The following DDX60L variants were observed in gnomAD, a reference collection of about 807,000 sequenced individuals.
DDX60L encodes probable ATP-dependent RNA helicase DDX60-like.
DDX60L carries 191 observed loss-of-function variants against 211.6 expected under a neutral mutation model. The ratio of observed to expected loss-of-function variants is 0.90; its 90% CI spans 0.80 to 1.02. The LOEUF (loss-of-function observed/expected upper bound fraction) is 1.02. Among genes scored for constraint, DDX60L ranks in the 50% least tolerant of loss-of-function variants. The pLI is 0.00. For synonymous variants in DDX60L, 706 were observed against 694.1 expected (o/e 1.02, Z -0.27); for missense variants, 2,007 against 1,984.1 (o/e 1.01, Z -0.22).
chr4:168,470,509 G>A (rs560042553), intron 4 of DDX60L: 2 of 152,254 alleles, frequency 1.3e-5, no homozygotes, highest in South Asian at 4.1e-4. Flanking sequence ...CAACAAAATG[G>A]ATGCCTCTCA....
chr4:168,475,626 T>C (rs975737645), intron 1 of DDX60L, among the ~76,000 whole-genome samples: 23 of 149,364 alleles, frequency 1.5e-4, no homozygotes, highest in Non-Finnish European at 2.2e-4. Context: ...AGGAAAAGAG[T>C]AGGAATGCTA....
At chr4:168,442,552 G>A (rs1754063553) in intron 9 of DDX60L, among the ~76,000 whole-genome samples, 1 of 152,224 alleles carries the variant, frequency 6.6e-6, no homozygotes, top group African/African-American at 2.4e-5. Context: ...GCCTGCCTCT[G>A]TAGGCTCCAC....
intron 1 of DDX60L, among the ~76,000 whole-genome samples, chr4:168,476,486 C>G (rs1455878638): frequency 6.6e-6 from 1 of 152,038 alleles, no homozygotes; most frequent in Admixed American, 6.6e-5. Flanking sequence ...TTAAAAAGAA[C>G]TGATTATGCC....
chr4:168,382,344 G>C (rs961791265), intron 30 of DDX60L, among the ~76,000 whole-genome samples: 1 of 152,092 alleles, frequency 6.6e-6, no homozygotes, highest in South Asian at 2.1e-4. Flanking sequence ...TAATAAAGCA[G>C]TTTCCTTTGA....
At chr4:168,407,500 C>A (rs578046320) in intron 22 of DDX60L, among the ~76,000 whole-genome samples, 13 of 152,154 alleles carry the variant, frequency 8.5e-5, no homozygotes. Flanking sequence ...AACCGTAACA[C>A]CAAGAAAAAA....
At chr4:168,426,377 G>T (rs2149908393) in intron 14 of DDX60L, among the ~76,000 whole-genome samples, 1 of 152,318 alleles carries the variant, frequency 6.6e-6, no homozygotes, top group East Asian at 1.9e-4. Context: ...CTCCATGGCG[G>T]AGATAAAGAG....
chr4:168,417,090 A>C (rs1394644713), intron 19 of DDX60L, among the ~76,000 whole-genome samples: 1 of 152,134 alleles, frequency 6.6e-6, no homozygotes, highest in East Asian at 1.9e-4. Context: ...GCTTTCTACA[A>C]CAGCCTTCTG....
chr4:168,426,049 C>T (rs1751399677), intron 14 of DDX60L, among the ~76,000 whole-genome samples: 2 of 152,288 alleles, frequency 1.3e-5, no homozygotes, highest in South Asian at 2.1e-4. Flanking sequence ...AGGGCCCATT[C>T]CAACCCACTT....
At chr4:168,385,645 T>C (rs972193646) in intron 29 of DDX60L, among the ~76,000 whole-genome samples, 2 of 152,040 alleles carry the variant, frequency 1.3e-5, no homozygotes, top group African/African-American at 2.4e-5. Flanking sequence ...AGGTAGGTAA[T>C]GTGGAATTGA....
At chr4:168,457,869 T>G in intron 6 of DDX60L, 23 bp downstream of exon 6, 1 of 1,417,650 alleles carries the variant, frequency 7.1e-7, no homozygotes, top group East Asian at 2.5e-5. Context: ...AACTTTTATT[T>G]AAAGAAATAA....
intron 8 of DDX60L, among the ~76,000 whole-genome samples, chr4:168,452,105 T>G (rs1755883817): frequency 6.6e-6 from 1 of 152,226 alleles, no homozygotes; most frequent in South Asian, 2.1e-4. Flanking sequence ...AGATATGAGT[T>G]TGTATTTTTC....
intron 1 of DDX60L, among the ~76,000 whole-genome samples, chr4:168,478,539 C>A (rs1344019045): frequency 6.6e-6 from 1 of 152,150 alleles, no homozygotes; most frequent in African/African-American, 2.4e-5. Context: ...AGTAAATCAA[C>A]CAGCAGGTCT....
chr4:168,452,877 T>C (rs1755989902), intron 8 of DDX60L, among the ~76,000 whole-genome samples: 1 of 152,162 alleles, frequency 6.6e-6, no homozygotes, highest in Non-Finnish European at 1.5e-5. Flanking sequence ...CAATTTTCTA[T>C]GATTGATTAT....
At chr4:168,468,685 A>T (rs1758341986) in intron 4 of DDX60L, 1 of 152,174 alleles carries the variant, frequency 6.6e-6, no homozygotes, top group Non-Finnish European at 1.5e-5. Flanking sequence ...GAAAATAAGA[A>T]ATAAGCATGT....
intron 4 of DDX60L, chr4:168,469,313 A>G (rs1361968656): frequency 2.0e-5 from 3 of 152,194 alleles, no homozygotes; most frequent in African/African-American, 7.2e-5. Context: ...TGGAAGAAAA[A>G]TGTTCTCAAC....
intron 10 of DDX60L, among the ~76,000 whole-genome samples, chr4:168,439,857 CCT>C (rs1168834603): frequency 6.6e-6 from 1 of 152,056 alleles, no homozygotes; most frequent in Non-Finnish European, 1.5e-5. Context: ...AGAAATAACC[CCT>C]CTCTCACACC....
intron 25 of DDX60L, among the ~76,000 whole-genome samples, chr4:168,403,352 G>T (rs1747167958): frequency 6.6e-6 from 1 of 152,170 alleles, no homozygotes; most frequent in African/African-American, 2.4e-5. Context: ...ATTACCATTG[G>T]ATCAAGGTCC....
In DDX60L at chr4:168,379,391, G is replaced by A; in HGVS notation, c.4335C>T (p.Phe1445=). 3 of 1,596,758 alleles carry A rather than the reference G, an allele frequency of 1.9e-6. No homozygotes were observed. The highest frequency in any genetic ancestry group is 1.7e-6 in the Non-Finnish European group (2 of 1,174,924). ...VFVNFLKRGL[F]HNLCKPAWKG... is the part of the protein sequence containing the mutation. ...TCCAGGCTGGCTTACAGAGATTATGGAAAAGGCCTCTCTTGAGAAAATTTA... is the reference window on the plus strand; with the variant it reads ...TCCAGGCTGGCTTACAGAGATTATGAAAAAGGCCTCTCTTGAGAAAATTTA... Residue 1445 remains phenylalanine, a synonymous_variant, in exon 32 of 38, where the codon TTC becomes TTT. Transcript: ENST00000682922.
Position 168,391,735 on chromosome 4 carries a change from C to T in DDX60L, c.3811-91G>A, listed in dbSNP as rs1045561469. On this transcript the variant is annotated intron_variant, in intron 28 of 37. Transcript: ENST00000682922. ...TTTCCACTCCAGTCACTGAACAACT[C>T]TTAGAGCTTTAACAAACCACATGTC... is the stretch of plus-strand genomic sequence containing the variant. The T allele has an allele frequency of 1.4e-5, 9 of 636,072 alleles. No homozygotes were observed. In the Middle Eastern group the frequency reaches 7.8e-4, roughly 55 times the overall value. The allele number at this position is 636,072 out of a possible 1,614,324, so 39.4% of individuals were successfully genotyped here.
Sources: allele counts gnomAD v4.1 joint callset (sites outside exome capture counted in the v4.1 genomes callset), GRCh38; gene constraint gnomAD v4.1.1; transcripts MANE v1.5; gene names NCBI Gene and HGNC (gene_info 2026-07-23, HGNC 2026-07-21).